Variants in FLYWCH1 observed in about 807,000 individuals in gnomAD.
The protein encoded by FLYWCH1 is FLYWCH-type zinc finger 1, also known as FLYWCH-type zinc finger-containing protein 1.
In FLYWCH1, 75 loss-of-function variants were observed where a neutral mutation model predicts 66.4. That is an observed-to-expected ratio of 1.13 (90% CI 0.94 to 1.37). The LOEUF is 1.37. Ranked by LOEUF, FLYWCH1 falls within the 40% of genes most tolerant of loss-of-function variation. The pLI is 0.00. For synonymous variants in FLYWCH1, 595 were observed against 429.9 expected (o/e 1.38, Z -4.75); for missense variants, 1,334 against 1,001.8 (o/e 1.33, Z -4.48).
chr16:2,927,496 A>T lies in FLYWCH1; in HGVS notation c.-73-2117A>T, dbSNP rs370862177. On this transcript the variant is annotated intron_variant, in intron 2 of 9. Coordinates refer to ENST00000253928, the MANE Select transcript of FLYWCH1 (RefSeq NM_001308068.2). ...GATTCCATTGCTCCAGCAGGAGTTG[A>T]TGTAGTTACAGAATATGTGAAGGCT... Among the ~76,000 whole-genome samples, 18 of 152,324 alleles carry T rather than the reference A, an allele frequency of 1.2e-4. No homozygotes were observed. In the South Asian group the frequency reaches 3.3e-3, roughly 28 times the overall value.
intron 6 of FLYWCH1, chr16:2,935,833 G>C (rs937917342): frequency 2.6e-5 from 4 of 152,436 alleles, no homozygotes; most frequent in East Asian, 1.9e-4. Context: ...TCATCCTCTC[G>C]TGCTCTTTGT....
intron 9 of FLYWCH1, 148 bp downstream of exon 9, chr16:2,940,240 G>C (rs950823195): frequency 5.2e-6 from 3 of 573,366 alleles, no homozygotes; most frequent in East Asian, 6.1e-5. Flanking sequence ...AGGTTGAAGA[G>C]AATTTGTCAG....
chr16:2,933,562 A>AGGACAT lies in FLYWCH1; in HGVS notation c.1234_1239dup (p.Met412_Asp413dup), dbSNP rs1187841974. 1 of 1,600,502 alleles carries AGGACAT rather than the reference A, an allele frequency of 6.2e-7. No individual in the cohort carries two copies. Among genetic ancestry groups the AGGACAT allele is most frequent in the East Asian group, 2.2e-5 (1 of 44,728 alleles). ...CAGCCCGAGGCCCCAGACGAGCACC[A>AGGACAT]GGACATGGACGCAGACCCGGGTGAG... On this transcript the variant is annotated inframe_insertion, in exon 5 of 10. Coordinates refer to ENST00000253928, the MANE Select transcript of FLYWCH1 (RefSeq NM_001308068.2).
chr16:2,940,164 T>A, intron 9 of FLYWCH1, 72 bp downstream of exon 9: 1 of 772,458 alleles, frequency 1.3e-6, no homozygotes, highest in Non-Finnish European at 2.3e-6. Context: ...ACAACAAATA[T>A]TTGCTGTCTC....
intron 6 of FLYWCH1, chr16:2,935,613 T>G (rs1480285879): frequency 6.6e-6 from 1 of 152,126 alleles, no homozygotes; most frequent in Non-Finnish European, 1.5e-5. Context: ...CTGAAATGTC[T>G]GTCGCTTCCC....
intron 2 of FLYWCH1, among the ~76,000 whole-genome samples, chr16:2,921,618 C>G (rs1475662454): frequency 6.6e-6 from 1 of 152,054 alleles, no homozygotes; most frequent in South Asian, 2.1e-4. Flanking sequence ...AGAAATTAGC[C>G]GGGCATGGTA....
Position 2,933,781 on chromosome 16 carries a change from C to T in FLYWCH1, c.1315C>T (p.Arg439Trp), listed in dbSNP as rs1226092540. The change falls in exon 6 of 10, where the codon CGG becomes TGG. Residue 439 changes from arginine (R) to tryptophan (W), a missense_variant. Transcript: ENST00000253928. ...SFLVYESFLYRREKAAGEKVY... is the reference protein window; with the variant it reads ...SFLVYESFLYWREKAAGEKVY... ...CCTGGTGTACGAGTCCTTCCTCTAC[C>T]GGCGGGAGAAGGCGGCTGGGGAGAA... 2.1e-5 allele frequency: 33 copies of T among 1,609,168 alleles called. No homozygotes were observed. The highest frequency in any genetic ancestry group is 2.5e-5 in the Non-Finnish European group (30 of 1,178,226).
chr16:2,925,006 C>T (rs1407659830), intron 2 of FLYWCH1, among the ~76,000 whole-genome samples: 1 of 152,214 alleles, frequency 6.6e-6, no homozygotes, highest in African/African-American at 2.4e-5. Flanking sequence ...AAGCTTGACG[C>T]AGTCCCCACC....
intron 9 of FLYWCH1, among the ~76,000 whole-genome samples, chr16:2,947,781 A>G (rs1237945557): frequency 1.5e-5 from 2 of 134,278 alleles, no homozygotes; most frequent in African/African-American, 5.8e-5. Context: ...AAAAAAAAAA[A>G]ATCCCTTACA....
intron 4 of FLYWCH1, 66 bp downstream of exon 4, chr16:2,930,946 C>G: frequency 7.9e-7 from 1 of 1,264,798 alleles, no homozygotes; most frequent in East Asian, 2.6e-5. Flanking sequence ...CTTCCTCAGC[C>G]CAAATAGAAA....
At position 2,930,976 on chromosome 16, in the gene FLYWCH1, T is replaced by C. The variant is rs534286453; in HGVS notation, c.796+96T>C. ...TAGAAATGTGGGGTCCCACAGGGTC[T>C]TTTAAAATGTACTCAAAGCTAAAAT... On this transcript the variant is annotated intron_variant, in intron 4 of 9. Coordinates refer to ENST00000253928, the MANE Select transcript of FLYWCH1 (RefSeq NM_001308068.2). 149 of 924,744 alleles carry C rather than the reference T, an allele frequency of 1.6e-4. 1 individual carries two copies. The highest frequency in any genetic ancestry group is 1.1e-3 in the Admixed American group (36 of 34,280). The allele number at this position is 924,744 out of a possible 1,614,324, so 57.3% of individuals were successfully genotyped here. A position where few individuals can be genotyped will look rare whatever the true frequency, so the allele number is the denominator to read the frequency against.
intron 3 of FLYWCH1, 23 bp downstream of exon 3, chr16:2,930,033 T>C (rs1195817060): frequency 6.3e-7 from 1 of 1,586,172 alleles, no homozygotes; most frequent in Admixed American, 1.7e-5. Context: ...TTCCCGCCCC[T>C]GCCCAGCCAC....
At chr16:2,946,262 C>G (rs148830209) in intron 9 of FLYWCH1, among the ~76,000 whole-genome samples, 1 of 150,818 alleles carries the variant, frequency 6.6e-6, no homozygotes, top group African/African-American at 2.4e-5. Flanking sequence ...CCCACAGCAA[C>G]TTCCCACCCT....
rs1477194215 is a variant in FLYWCH1, at chr16:2,916,661, TAAAA to T, written c.-74+2377_-74+2380del. On this transcript the variant is annotated intron_variant, in intron 2 of 9. Transcript: ENST00000253928. The stretch of plus-strand genomic sequence containing the variant: ...CAAAAAAACAAAACAAAACAAAAAA[TAAAA>T]AAAAGAAAAAAGAAATTTAAAAATT... 2.4e-4 allele frequency among the ~76,000 whole-genome samples: 37 copies of T among 151,656 alleles called. No individual in the cohort carries two copies. The East Asian group carries it at 6.8e-3, about 28-fold the overall frequency.
chr16:2,936,787 C>T (rs2071021399), intron 6 of FLYWCH1: 1 of 530,388 alleles, frequency 1.9e-6, no homozygotes, highest in African/African-American at 1.9e-5. Context: ...TCTGACCAAC[C>T]AGGCACGGCG....
intron 9 of FLYWCH1, among the ~76,000 whole-genome samples, chr16:2,941,748 C>G (rs768525778): frequency 7.9e-5 from 12 of 151,608 alleles, no homozygotes; most frequent in Non-Finnish European, 1.5e-4. Flanking sequence ...AAAGTCTGGG[C>G]GTGGTGGCTC....
chr16:2,915,801 G>GA (rs545844349), intron 2 of FLYWCH1, among the ~76,000 whole-genome samples: 1,390 of 105,440 alleles, frequency 0.013, 11 homozygotes, highest in South Asian at 0.053. Flanking sequence ...TGTGTCGAGA[G>GA]AAAAAAAAAA....
chr16:2,941,656 C>G (rs541868677), intron 9 of FLYWCH1, among the ~76,000 whole-genome samples: 2 of 151,796 alleles, frequency 1.3e-5, no homozygotes, highest in African/African-American at 2.4e-5. Context: ...GTGGGAGGAT[C>G]GCTTGAGCCC....
In FLYWCH1 at chr16:2,938,203, G is replaced by T; in HGVS notation, c.1797G>T (p.Glu599Asp). 2 of 1,612,994 alleles carry T rather than the reference G, an allele frequency of 1.2e-6. No homozygotes were observed. Among genetic ancestry groups the T allele is most frequent in the Non-Finnish European group, 1.7e-6 (2 of 1,179,624 alleles). The change falls in exon 8 of 10, where the codon GAG (glutamate) becomes GAT (aspartate). Residue 599 changes from glutamate (E) to aspartate (D), a missense_variant. Physicochemically the swap from Glu to Asp is conservative, Grantham distance 45. Coordinates refer to ENST00000253928, the MANE Select transcript of FLYWCH1 (RefSeq NM_001308068.2). ...WDSPDPLRPLEFLRTSLGGRF... is the reference protein window; with the variant it reads ...WDSPDPLRPLDFLRTSLGGRF... Reference sequence around the variant, plus strand: ...TTTCAGATCCTCTCCGGCCCCTGGAGTTCCTGAGGACTTCCCTGGGGGGCA... The same window carrying T: ...TTTCAGATCCTCTCCGGCCCCTGGATTTCCTGAGGACTTCCCTGGGGGGCA...
Sources: allele counts gnomAD v4.1 joint callset (sites outside exome capture counted in the v4.1 genomes callset), GRCh38; gene constraint gnomAD v4.1.1; transcripts MANE v1.5; gene names NCBI Gene and HGNC (gene_info 2026-07-23, HGNC 2026-07-21).